The following SI variants were observed in gnomAD, a reference collection of about 807,000 sequenced individuals.
The protein encoded by SI is sucrase-isomaltase.
Under a neutral mutation model 253.3 loss-of-function variants are expected in SI, and 235 were observed. The observed-to-expected ratio is 0.93, with a 90% CI of 0.83 to 1.03. The LOEUF is 1.03. Among genes scored for constraint, SI ranks in the 50% least tolerant of loss-of-function variants. The probability of loss-of-function intolerance (pLI) is 0.00; values close to 1 mark genes in which losing one functional copy is unlikely to be tolerated. For synonymous variants in SI, 819 were observed against 712.0 expected, an observed-to-expected ratio of 1.15 and a Z score of -2.39; for missense variants, 2,442 against 2,211.1, an observed-to-expected ratio of 1.10 and a Z score of -2.09.
chr3:164,984,556 T>C (rs977574021), intron 45 of SI, among the ~76,000 whole-genome samples: 1 of 152,150 alleles, frequency 6.6e-6, no homozygotes, highest in African/African-American at 2.4e-5. Flanking sequence ...GTAGCTTTGT[T>C]GTTTTTAATA....
chr3:165,026,177 A>C (rs1344828622), intron 25 of SI, among the ~76,000 whole-genome samples: 1 of 151,344 alleles, frequency 6.6e-6, no homozygotes, highest in Admixed American at 6.6e-5. Flanking sequence ...AGCCAGAAGT[A>C]GCTATTTTTA....
At position 165,023,824 on chromosome 3, in the gene SI, T is replaced by C. The variant is rs781421482; in HGVS notation, c.2893-48A>G. On this transcript the variant is annotated intron_variant, in intron 25 of 47. Coordinates refer to ENST00000264382, the MANE Select transcript of SI (RefSeq NM_001041.4). ...TTGCCAGAAATTATAAGCCTTGTAA[T>C]ATTTTACTCTTTAAAATTATACTGA... The C allele has an allele frequency of 4.6e-6, 6 of 1,316,766 alleles. No individual in the cohort carries two copies. The South Asian group carries it at 4.8e-5, about 10-fold the overall frequency. 81.6% of individuals were successfully genotyped at this position (1,316,766 alleles called of 1,614,324 possible). A position where few individuals can be genotyped will look rare whatever the true frequency, so the allele number is the denominator to read the frequency against.
chr3:165,039,012 G>A (rs1712678690), intron 20 of SI, 66 bp downstream of exon 20: 4 of 1,002,756 alleles, frequency 4.0e-6, no homozygotes, highest in South Asian at 1.4e-5. Flanking sequence ...ATGGAATTAA[G>A]TTTCTATGTA....
At chr3:165,049,094 A>G in intron 15 of SI, 33 bp downstream of exon 15, 1 of 1,123,432 alleles carries the variant, frequency 8.9e-7, no homozygotes, top group African/African-American at 1.5e-5. Context: ...AGCAATAAAT[A>G]TGAAAGAAGT....
In SI at chr3:164,979,140, G is replaced by T; in HGVS notation, c.*222C>A. 1.9e-6 allele frequency: 1 copy of T among 517,288 alleles called. No individual in the cohort carries two copies. Among genetic ancestry groups the T allele is most frequent in the African/African-American group, 1.9e-5 (1 of 52,384 alleles). 32.0% of individuals were successfully genotyped at this position (517,288 alleles called of 1,614,324 possible). ...CTGATACTTAACAAGGATAAATAGG[G>T]CTATTCAAATTTTGTTAAATATGCC... On this transcript the variant is annotated 3_prime_UTR_variant, in exon 48 of 48. Transcript: ENST00000264382.
intron 7 of SI, among the ~76,000 whole-genome samples, chr3:165,063,757 A>G (rs1714091040): frequency 6.7e-6 from 1 of 149,928 alleles, no homozygotes; most frequent in African/African-American, 2.4e-5. Context: ...TGTATAAAAT[A>G]TATAACATAT....
At chr3:165,012,926 A>G in intron 34 of SI, 54 bp downstream of exon 34, 1 of 1,080,054 alleles carries the variant, frequency 9.3e-7, no homozygotes. Flanking sequence ...TAAAATAATC[A>G]AGTCTAAGTT....
Position 165,049,227 on chromosome 3 carries a change from T to G in SI, c.1615A>C (p.Met539Leu), listed in dbSNP as rs757822526. ...PFTPDILDKL[M>L]YSKTICMDAV... ...TCCATGCAAATTGTTTTGGAATACATGAGTTTGTCAAGAATATCTTTGAGA... is the reference window on the plus strand; with the variant it reads ...TCCATGCAAATTGTTTTGGAATACAGGAGTTTGTCAAGAATATCTTTGAGA... The change falls in exon 15 of 48, where the codon ATG becomes CTG. Residue 539 changes from methionine (M) to leucine (L), a missense_variant. By Grantham distance (15) the Met-to-Leu change is conservative (BLOSUM62 2). Coordinates refer to ENST00000264382, the MANE Select transcript of SI (RefSeq NM_001041.4). The G allele has an allele frequency of 1.2e-6, 2 of 1,600,514 alleles. No homozygotes were observed. Among genetic ancestry groups the G allele is most frequent in the Non-Finnish European group, 1.7e-6 (2 of 1,168,334 alleles).
chr3:165,055,077 G>C, intron 13 of SI, 117 bp downstream of exon 13: 1 of 660,442 alleles, frequency 1.5e-6, no homozygotes, highest in South Asian at 1.8e-5. Context: ...CATTATAGTA[G>C]CTTTAAATTT....
At chr3:165,087,127 G>A in the SI span, among the ~76,000 whole-genome samples, 5 of 147,972 alleles carry the variant, frequency 3.4e-5, no homozygotes, top group Admixed American at 1.4e-4. Context: ...AGAAACAAAC[G>A]AACAAATACA....
chr3:164,982,872 A>T, intron 46 of SI, 130 bp downstream of exon 46: 1 of 811,890 alleles, frequency 1.2e-6, no homozygotes, highest in Non-Finnish European at 1.9e-6. Context: ...ACAGGTCTTG[A>T]ACCCCTGGCC....
intron 15 of SI, among the ~76,000 whole-genome samples, chr3:165,047,225 A>T (rs1713168541): frequency 6.6e-6 from 1 of 151,924 alleles, no homozygotes; most frequent in Non-Finnish European, 1.5e-5. Flanking sequence ...TCTTTCCTGC[A>T]CTGTTCTTAT....
chr3:164,992,435 A>T, intron 41 of SI, 38 bp from the exon 42 acceptor site: 1 of 1,347,724 alleles, frequency 7.4e-7, no homozygotes, highest in South Asian at 1.2e-5. Flanking sequence ...ATTAAAACAA[A>T]TAACTTTCTT....
At chr3:165,041,493 A>C (rs1032102262) in intron 17 of SI, among the ~76,000 whole-genome samples, 1 of 151,984 alleles carries the variant, frequency 6.6e-6, no homozygotes, top group Non-Finnish European at 1.5e-5. Context: ...CAGTCATGCA[A>C]ACTACTCTGG....
intron 3 of SI, among the ~76,000 whole-genome samples, chr3:165,073,170 T>TTCTCTCTCTCTCTCTCTCTC (rs59796544): frequency 7.6e-6 from 1 of 131,960 alleles, no homozygotes; most frequent in African/African-American, 3.0e-5. Context: ...CTTCAATCAT[T>TTCTCTCTCTCTCTCTCTCTC]TCTCTCTCTC....
chr3:164,987,675 C>G (rs978881420), intron 44 of SI, among the ~76,000 whole-genome samples: 2 of 152,020 alleles, frequency 1.3e-5, no homozygotes, highest in African/African-American at 4.8e-5. Flanking sequence ...CACCACTGCA[C>G]TCCAGCCTGG....
Position 165,050,445 on chromosome 3 carries a change from AC to A in SI, c.1513-571del, listed in dbSNP as rs1248934252. Reference sequence around the variant, plus strand: ...GCATGATCACACTCTGAGAACCAAGACCTAAACATCTCTTGAAGAAATAGTG... The same window carrying A: ...GCATGATCACACTCTGAGAACCAAGACTAAACATCTCTTGAAGAAATAGTG... On this transcript the variant is annotated intron_variant, in intron 13 of 47. Coordinates refer to ENST00000264382, the MANE Select transcript of SI (RefSeq NM_001041.4). Among the ~76,000 whole-genome samples, 9 of 152,232 alleles carry A rather than the reference AC, an allele frequency of 5.9e-5. No individual in the cohort carries two copies. The East Asian group carries it at 1.7e-3, about 29-fold the overall frequency.
At chr3:165,021,626 T>G (rs891840176) in intron 26 of SI, among the ~76,000 whole-genome samples, 15 of 151,638 alleles carry the variant, frequency 9.9e-5, no homozygotes, top group African/African-American at 2.9e-4. Context: ...ATTTGTTTTC[T>G]AAATAATAAG....
At chr3:164,990,269 G>T (rs1576869874) in intron 44 of SI, among the ~76,000 whole-genome samples, 1 of 152,014 alleles carries the variant, frequency 6.6e-6, no homozygotes, top group Admixed American at 6.6e-5. Flanking sequence ...AATATTTCAT[G>T]TTTTCGTAAA....
Sources: allele counts gnomAD v4.1 joint callset (sites outside exome capture counted in the v4.1 genomes callset), GRCh38; gene constraint gnomAD v4.1.1; transcripts MANE v1.5; gene names NCBI Gene and HGNC (gene_info 2026-07-23, HGNC 2026-07-21).